Variants in ATP11B observed in about 807,000 individuals in gnomAD.
ATP11B encodes ATPase phospholipid transporting 11B (putative).
ATP11B carries 81 observed loss-of-function variants against 157.8 expected under a neutral mutation model. The observed-to-expected ratio is 0.51, with a 90% CI of 0.43 to 0.62. ATP11B has a LOEUF of 0.62. Among genes scored for constraint, ATP11B ranks in the 20% least tolerant of loss-of-function variants. The pLI is 0.00. For missense variants in ATP11B, 1,165 were observed against 1,402.2 expected, an observed-to-expected ratio of 0.83 and a Z score of 2.70; for synonymous variants, 451 against 469.4, an observed-to-expected ratio of 0.96 and a Z score of 0.51.
At chr3:182,797,699 C>G (rs1486782957) in intron 1 of ATP11B, among the ~76,000 whole-genome samples, 1 of 148,480 alleles carries the variant, frequency 6.7e-6, no homozygotes, top group Admixed American at 6.7e-5. Context: ...CAGAGGGAGA[C>G]TCTGTCTCAA....
chr3:182,844,214 G>T (rs1406648106), intron 8 of ATP11B: 3 of 152,152 alleles, frequency 2.0e-5, no homozygotes, highest in Admixed American at 6.6e-5. Flanking sequence ...ATTGTTAGAA[G>T]CAACACTGAG....
intron 13 of ATP11B, 22 bp from the exon 14 acceptor site, chr3:182,866,246 A>G (rs748484952): frequency 6.8e-7 from 1 of 1,473,776 alleles, no homozygotes. Flanking sequence ...TTTTATCATG[A>G]ATATTAATTA....
chr3:182,796,125 A>G lies in ATP11B; in HGVS notation c.27+2339A>G, dbSNP rs976318780. Among the ~76,000 whole-genome samples the G allele has an allele frequency of 3.3e-5, 5 of 152,356 alleles. 1 individual carries two copies. Among genetic ancestry groups the G allele is most frequent in the Admixed American group, 1.3e-4 (2 of 15,310 alleles). Reference sequence around the variant, plus strand: ...CAAAATATTTTCACTACTTGAGAAGATGGAAAAATCAGAAAGTTGACAGAA... The same window carrying G: ...CAAAATATTTTCACTACTTGAGAAGGTGGAAAAATCAGAAAGTTGACAGAA... On this transcript the variant is annotated intron_variant, in intron 1 of 29. Transcript: ENST00000323116.
intron 9 of ATP11B, among the ~76,000 whole-genome samples, chr3:182,848,209 A>T (rs1298077044): frequency 6.6e-6 from 1 of 152,112 alleles, no homozygotes; most frequent in East Asian, 1.9e-4. Context: ...ATCAATTCCA[A>T]TTCAAGTAAT....
rs1006911014 is a variant in ATP11B, at chr3:182,887,672, T to C, written c.2802T>C (p.His934=). Reference sequence around the variant, plus strand: ...TGATATATAGTCTTTTGGAACAGCATGTAGACCCTCATGTGTTACAAAATA... The same window carrying C: ...TGATATATAGTCTTTTGGAACAGCACGTAGACCCTCATGTGTTACAAAATA... ...PILIYSLLEQ[H]VDPHVLQNKP... is the part of the protein sequence containing the mutation. The change falls in exon 24 of 30, where the codon CAT becomes CAC. Residue 934 remains histidine, a synonymous_variant. Transcript: ENST00000323116. 1.9e-6 allele frequency: 3 copies of C among 1,612,872 alleles called. No individual in the cohort carries two copies. The African/African-American group carries it at 4.0e-5, about 22-fold the overall frequency.
chr3:182,803,473 T>C (rs4859248), intron 1 of ATP11B, among the ~76,000 whole-genome samples: 23,281 of 152,104 alleles, frequency 0.15, 2,356 homozygotes, highest in African/African-American at 0.29. Context: ...TAGTTTATGG[T>C]ATCTTTTTTT....
chr3:182,910,026 T>A (rs1398270229), intron 28 of ATP11B, among the ~76,000 whole-genome samples: 1 of 126,408 alleles, frequency 7.9e-6, no homozygotes, highest in Non-Finnish European at 1.5e-5. Context: ...ATCACACCAC[T>A]GCACTCCAGC....
At chr3:182,806,915 A>T (rs527797728) in intron 1 of ATP11B, among the ~76,000 whole-genome samples, 4 of 152,208 alleles carry the variant, frequency 2.6e-5, no homozygotes, top group African/African-American at 9.6e-5. Context: ...GCTGATTCTT[A>T]TCCGGCTATT....
chr3:182,908,196 CTTTTTTT>C (rs10716562), intron 28 of ATP11B, among the ~76,000 whole-genome samples: 14 of 70,720 alleles, frequency 2.0e-4, no homozygotes, highest in East Asian at 1.3e-3. Context: ...TTATTATTTT[CTTTTTTT>C]TTTTTTTTTT....
At chr3:182,850,042 A>T (rs139528863) in intron 10 of ATP11B, among the ~76,000 whole-genome samples, 149 of 152,358 alleles carry the variant, frequency 9.8e-4, no homozygotes, top group African/African-American at 3.4e-3. Context: ...GAATAACAAT[A>T]TAAGCGATAA....
chr3:182,915,705 A>T, intron 29 of ATP11B: 1 of 984,530 alleles, frequency 1.0e-6, no homozygotes. Context: ...GATTATGGTA[A>T]TATGCCCCCA....
chr3:182,864,353 GTC>G (rs924513118), intron 12 of ATP11B, among the ~76,000 whole-genome samples: 21 of 152,112 alleles, frequency 1.4e-4, no homozygotes, highest in African/African-American at 4.6e-4. Context: ...ACAGCATTCA[GTC>G]TCTCTCCATA....
At chr3:182,804,884 G>A (rs1716234572) in intron 1 of ATP11B, among the ~76,000 whole-genome samples, 1 of 152,082 alleles carries the variant, frequency 6.6e-6, no homozygotes, top group African/African-American at 2.4e-5. Context: ...CATATATGTG[G>A]TATTTTGTAA....
intron 18 of ATP11B, 122 bp downstream of exon 18, chr3:182,872,659 A>G: frequency 1.1e-6 from 1 of 893,534 alleles, no homozygotes. Flanking sequence ...AGATCAAAGT[A>G]GAGAACTAAA....
rs1159332107 is a variant in ATP11B at position 182,793,743 on chromosome 3, A to G, written c.-17A>G. The stretch of plus-strand genomic sequence containing the variant: ...GGCCCCCGCGCCCCGCGGGACCCGG[A>G]CGGCGACGACGGGGGAATGTGGCGC... On this transcript the variant is annotated 5_prime_UTR_variant, in exon 1 of 30. Coordinates refer to ENST00000323116, the MANE Select transcript of ATP11B (RefSeq NM_014616.3). The G allele has an allele frequency of 2.8e-6, 4 of 1,405,022 alleles. No individual in the cohort carries two copies. Among genetic ancestry groups the G allele is most frequent in the South Asian group, 1.4e-5 (1 of 71,892 alleles). 87.0% of individuals were successfully genotyped at this position (1,405,022 alleles called of 1,614,324 possible).
At chr3:182,845,325 A>G in intron 8 of ATP11B, 133 bp from the exon 9 acceptor site, 1 of 694,440 alleles carries the variant, frequency 1.4e-6, no homozygotes, top group Non-Finnish European at 2.3e-6. Flanking sequence ...GCTTTATAGT[A>G]GCTGGGATTT....
At chr3:182,838,800 T>TATATACAC (rs141453930) in intron 7 of ATP11B, among the ~76,000 whole-genome samples, 39 of 150,856 alleles carry the variant, frequency 2.6e-4, no homozygotes, top group East Asian at 9.7e-4. Context: ...TATATATATA[T>TATATACAC]ACACACACAT....
rs768818214 is a variant in ATP11B at position 182,820,269 on chromosome 3, C to T, written c.37C>T (p.Pro13Ser). ...RWIRQQLGFD[P>S]PHQSDTRTIY... Reference sequence around the variant, plus strand: ...GCTTGATTGGTCTTAGGGTTTTGACCCACCACATCAGAGTGACACAAGAAC... The same window carrying T: ...GCTTGATTGGTCTTAGGGTTTTGACTCACCACATCAGAGTGACACAAGAAC... The change falls in exon 2 of 30, where the codon CCA (proline) becomes TCA (serine). Residue 13 changes from proline to serine, a missense_variant. Physicochemically the swap from Pro to Ser is moderately conservative, Grantham distance 74. Coordinates refer to ENST00000323116, the MANE Select transcript of ATP11B (RefSeq NM_014616.3). 6.2e-7 allele frequency: 1 copy of T among 1,612,768 alleles called. No individual in the cohort carries two copies. The highest frequency in any genetic ancestry group is 1.3e-5 in the African/African-American group (1 of 74,974).
intron 9 of ATP11B, among the ~76,000 whole-genome samples, chr3:182,848,117 T>A (rs575364011): frequency 6.6e-6 from 1 of 152,336 alleles, no homozygotes; most frequent in South Asian, 2.1e-4. Flanking sequence ...AGAAAGTGCT[T>A]TTCCATATCT....
Sources: allele counts gnomAD v4.1 joint callset (sites outside exome capture counted in the v4.1 genomes callset), GRCh38; gene constraint gnomAD v4.1.1; transcripts MANE v1.5; gene names NCBI Gene and HGNC (gene_info 2026-07-23, HGNC 2026-07-21).